Variants in MACROD1 observed in about 807,000 individuals in gnomAD.
MACROD1 encodes ADP-ribose glycohydrolase MACROD1.
In MACROD1, 31 loss-of-function variants were observed where a neutral mutation model predicts 41.4. The observed-to-expected ratio is 0.75, with a 90% CI of 0.56 to 1.01. The LOEUF (loss-of-function observed/expected upper bound fraction) is 1.01. Among genes scored for constraint, MACROD1 ranks in the 50% least tolerant of loss-of-function variants. The pLI is 0.00. For missense variants in MACROD1, 473 were observed against 460.0 expected, an observed-to-expected ratio of 1.03 and a Z score of -0.26; for synonymous variants, 252 against 203.4, an observed-to-expected ratio of 1.24 and a Z score of -2.03.
intron 3 of MACROD1, among the ~76,000 whole-genome samples, chr11:64,083,597 C>T (rs906858235): frequency 1.3e-5 from 2 of 152,142 alleles, no homozygotes; most frequent in East Asian, 1.9e-4. Flanking sequence ...CTTTCGAGAA[C>T]GAGCCGGGAA....
intron 3 of MACROD1, among the ~76,000 whole-genome samples, chr11:64,111,454 A>T (rs1039285928): frequency 2.6e-5 from 4 of 152,182 alleles, no homozygotes; most frequent in Non-Finnish European, 4.4e-5. Flanking sequence ...CCTGCTCATA[A>T]GTGGCTTGAG....
At chr11:64,143,753 TACACACACACACACACACACAC>T (rs55995667) in intron 3 of MACROD1, among the ~76,000 whole-genome samples, 18 of 101,672 alleles carry the variant, frequency 1.8e-4, no homozygotes, top group African/African-American at 6.4e-4. Context: ...GACACACACA[TACACACACACACACACACACAC>T]ACACACACAC....
chr11:64,017,810 T>C (rs1943101936), intron 3 of MACROD1, among the ~76,000 whole-genome samples: 1 of 151,884 alleles, frequency 6.6e-6, no homozygotes, highest in African/African-American at 2.4e-5. Context: ...TCTCTCTTAA[T>C]TAACACCGGC....
At chr11:64,026,073 C>T (rs758465707) in intron 3 of MACROD1, among the ~76,000 whole-genome samples, 1 of 152,068 alleles carries the variant, frequency 6.6e-6, no homozygotes, top group African/African-American at 2.4e-5. Flanking sequence ...CCCAGCTACT[C>T]GGGAGGCTAA....
intron 3 of MACROD1, among the ~76,000 whole-genome samples, chr11:64,129,753 C>CTGCA (rs1945238695): frequency 6.6e-6 from 1 of 152,186 alleles, no homozygotes; most frequent in South Asian, 2.1e-4. Context: ...GACAGGCTGG[C>CTGCA]TGCAGCCTTA....
chr11:64,054,616 C>T (rs139114692), intron 3 of MACROD1, among the ~76,000 whole-genome samples: 32 of 152,244 alleles, frequency 2.1e-4, no homozygotes, highest in African/African-American at 4.8e-4. Context: ...CCTGGGCCTC[C>T]GTTTCCTCAT....
At chr11:64,141,519 C>T (rs1036686113) in intron 3 of MACROD1, among the ~76,000 whole-genome samples, 8 of 152,232 alleles carry the variant, frequency 5.3e-5, no homozygotes, top group Admixed American at 3.9e-4. Flanking sequence ...GAAACCAGCT[C>T]GGCTGTGCCT....
At chr11:64,116,694 G>C in intron 3 of MACROD1, 1 of 1,613,824 alleles carries the variant, frequency 6.2e-7, no homozygotes, top group Non-Finnish European at 8.5e-7. Context: ...GCGCACCATT[G>C]CCAGGGACTC....
intron 3 of MACROD1, among the ~76,000 whole-genome samples, chr11:64,058,253 G>A (rs764237870): frequency 2.3e-4 from 35 of 152,372 alleles, no homozygotes; most frequent in Non-Finnish European, 4.0e-4. Flanking sequence ...CTCCTGCCCC[G>A]AGGGTGCTCT....
At chr11:64,025,879 C>T (rs1386307196) in intron 3 of MACROD1, among the ~76,000 whole-genome samples, 1 of 151,966 alleles carries the variant, frequency 6.6e-6, no homozygotes. Context: ...ATCACCACAT[C>T]CGGCTAATTT....
intron 3 of MACROD1, among the ~76,000 whole-genome samples, chr11:64,083,298 TGGTG>T (rs1407495050): frequency 6.6e-6 from 1 of 152,116 alleles, no homozygotes; most frequent in Non-Finnish European, 1.5e-5. Context: ...CAGCTGGGCA[TGGTG>T]GTGGGCACCT....
intron 10 of MACROD1, 32 bp downstream of exon 10, chr11:63,998,800 AGGGCCG>A: frequency 6.7e-7 from 1 of 1,484,148 alleles, no homozygotes; most frequent in Admixed American, 2.4e-5. Context: ...GGGTTAGTCT[AGGGCCG>A]GGGCCGCCGC....
chr11:64,112,348 A>G (rs1465909277), intron 3 of MACROD1, among the ~76,000 whole-genome samples: 1 of 152,102 alleles, frequency 6.6e-6, no homozygotes, highest in Non-Finnish European at 1.5e-5. Context: ...CCCCGTCTCT[A>G]CTAAAAATAC....
intron 3 of MACROD1, among the ~76,000 whole-genome samples, chr11:64,113,953 T>C (rs1451006962): frequency 2.7e-5 from 4 of 147,554 alleles, no homozygotes; most frequent in Admixed American, 2.7e-4. Context: ...GATGGATGGA[T>C]GGATGGATGG....
chr11:64,003,074 G>A (rs946189410), intron 4 of MACROD1, among the ~76,000 whole-genome samples: 3 of 152,278 alleles, frequency 2.0e-5, no homozygotes, highest in Admixed American at 1.3e-4. Flanking sequence ...CTTGGGTGGC[G>A]GGACCCCCCT....
chr11:64,015,294 G>T lies in MACROD1; in HGVS notation c.518-13C>A. The T allele has an allele frequency of 6.2e-7, 1 of 1,605,932 alleles. No individual in the cohort carries two copies. The highest frequency in any genetic ancestry group is 1.3e-5 in the African/African-American group (1 of 74,804). On this transcript the variant is annotated splice_polypyrimidine_tract_variant and intron_variant, in intron 3 of 10. Coordinates refer to ENST00000255681, the MANE Select transcript of MACROD1 (RefSeq NM_014067.4). ...AGGGAGCTGTTGGCTGCAAGAGAGAGAGACAAAGGCAGATCAGTGGGGAAG... is the reference window on the plus strand; with the variant it reads ...AGGGAGCTGTTGGCTGCAAGAGAGATAGACAAAGGCAGATCAGTGGGGAAG...
intron 3 of MACROD1, among the ~76,000 whole-genome samples, chr11:64,033,095 T>C (rs953372049): frequency 6.6e-6 from 1 of 152,218 alleles, no homozygotes. Flanking sequence ...AGGAAGCTGA[T>C]GTCAAAATCG....
At chr11:64,059,859 C>T (rs1943863843) in intron 3 of MACROD1, among the ~76,000 whole-genome samples, 1 of 152,158 alleles carries the variant, frequency 6.6e-6, no homozygotes. Context: ...TTGGTTGCTA[C>T]TGATCCAATA....
rs146425984 is a variant in MACROD1, at chr11:64,091,150, T to C, written c.517+60089A>G. On this transcript the variant is annotated intron_variant, in intron 3 of 10. Coordinates refer to ENST00000255681, the MANE Select transcript of MACROD1 (RefSeq NM_014067.4). ...GTGGGGAGGGGGCATGGGAGGAGGATAGAAGAGGGATGGGGAGGGGGCCTA... is the reference window on the plus strand; with the variant it reads ...GTGGGGAGGGGGCATGGGAGGAGGACAGAAGAGGGATGGGGAGGGGGCCTA... 4.7e-4 allele frequency among the ~76,000 whole-genome samples: 48 copies of C among 101,246 alleles called. No homozygotes were observed. The East Asian group carries it at 0.016, about 33-fold the overall frequency. The allele number at this position is 101,246 out of a possible 152,430, so 66.4% of individuals were successfully genotyped here.
Sources: allele counts gnomAD v4.1 joint callset (sites outside exome capture counted in the v4.1 genomes callset), GRCh38; gene constraint gnomAD v4.1.1; transcripts MANE v1.5; gene names NCBI Gene and HGNC (gene_info 2026-07-23, HGNC 2026-07-21).